Variants in COL1A2 observed in about 807,000 individuals in gnomAD.
The protein encoded by COL1A2 is collagen alpha-2(I) chain.
In COL1A2, 49 loss-of-function variants were observed where a neutral mutation model predicts 174.3. The ratio of observed to expected loss-of-function variants is 0.28; its 90% CI spans 0.22 to 0.36. COL1A2 has a LOEUF of 0.36. Ranked by LOEUF, COL1A2 falls within the 10% of genes least tolerant of loss-of-function variation. The probability of loss-of-function intolerance (pLI) is 1.00; values close to 1 mark genes in which losing one functional copy is unlikely to be tolerated. For synonymous variants in COL1A2, 655 were observed against 606.6 expected, an observed-to-expected ratio of 1.08 and a Z score of -1.17; for missense variants, 1,438 against 1,822.7, an observed-to-expected ratio of 0.79 and a Z score of 3.84.
At position 94,419,568 on chromosome 7, in the gene COL1A2, A is replaced by G; in HGVS notation, c.2079+17A>G. ...GGTGACCGGGTAAGCATGCATTTTC[A>G]CTAAGCCAACAGCAATATCTAAAAT... On this transcript the variant is annotated intron_variant, in intron 34 of 51. Coordinates refer to ENST00000297268, the MANE Select transcript of COL1A2 (RefSeq NM_000089.4). The G allele has an allele frequency of 6.2e-7, 1 of 1,613,956 alleles. No homozygotes were observed. The highest frequency in any genetic ancestry group is 8.5e-7 in the Non-Finnish European group (1 of 1,179,936).
In COL1A2 at chr7:94,416,345, TA is replaced by T. The variant is rs1373899165; in HGVS notation, c.1765-56del. ...CTACACAAATGTAAACTCTCATATG[TA>T]AAACAGTATCACTGAAAGTGATGAA... On this transcript the variant is annotated intron_variant, in intron 30 of 51. Transcript: ENST00000297268. The T allele has an allele frequency of 2.1e-6, 3 of 1,414,238 alleles. No individual in the cohort carries two copies. In the African/African-American group the frequency reaches 4.3e-5, roughly 20 times the overall value. 87.6% of individuals were successfully genotyped at this position (1,414,238 alleles called of 1,614,324 possible).
rs774428414 is a variant in COL1A2 at position 94,421,090 on chromosome 7, C to A, written c.2349+28C>A. On this transcript the variant is annotated intron_variant, in intron 38 of 51. Transcript: ENST00000297268. ...GAGTATTTACAATGGACTCTCGCCG[C>A]TTTTCTTTTTTCAGAATCTATTAAG... 2.5e-6 allele frequency: 4 copies of A among 1,612,908 alleles called. No homozygotes were observed. In the East Asian group the frequency reaches 6.7e-5, roughly 27 times the overall value.
At chr7:94,402,234 C>T (rs765867124) in intron 6 of COL1A2, among the ~76,000 whole-genome samples, 1 of 152,052 alleles carries the variant, frequency 6.6e-6, no homozygotes, top group Non-Finnish European at 1.5e-5. Context: ...CTCATTTAGT[C>T]AACAGATATT....
chr7:94,428,439 CACG>C lies in COL1A2; in HGVS notation c.3674_3676del (p.His1225_Val1226delinsLeu). On this transcript the variant is annotated inframe_deletion, in exon 50 of 52. Coordinates refer to ENST00000297268, the MANE Select transcript of COL1A2 (RefSeq NM_000089.4). ...GTATAGGAGCTCCAAGGACAAGAAA[CACG>C]TCTGGCTAGGAGAAACTATCAATGC... 1 of 1,614,094 alleles carries C rather than the reference CACG, an allele frequency of 6.2e-7. No homozygotes were observed. Among genetic ancestry groups the C allele is most frequent in the Non-Finnish European group, 8.5e-7 (1 of 1,180,004 alleles).
Position 94,427,838 on chromosome 7 carries a change from C to T in COL1A2, c.3479C>T (p.Ala1160Val), listed in dbSNP as rs1245842054. The change falls in exon 49 of 52, where the codon GCT (alanine) becomes GTT (valine). Residue 1160 changes from alanine to valine, a missense_variant. Coordinates refer to ENST00000297268, the MANE Select transcript of COL1A2 (RefSeq NM_000089.4). ...LTPEGSRKNP[A>V]RTCRDLRLSH... is the part of the protein sequence containing the mutation. ...CCTGAAGGCTCTAGAAAGAACCCAG[C>T]TCGCACATGCCGTGACTTGAGACTC... is the stretch of plus-strand genomic sequence containing the variant. The T allele has an allele frequency of 6.2e-7, 1 of 1,614,202 alleles. No individual in the cohort carries two copies. The highest frequency in any genetic ancestry group is 1.6e-4 in the Middle Eastern group (1 of 6,062).
intron 15 of COL1A2, 49 bp downstream of exon 15, chr7:94,408,429 G>C (rs371010648): frequency 3.2e-6 from 5 of 1,581,788 alleles, no homozygotes; most frequent in Non-Finnish European, 4.3e-6. Context: ...ATGTGGGGTG[G>C]GTGCTGTCTT....
In COL1A2 at chr7:94,424,502, A is replaced by C. The variant is rs558139633; in HGVS notation, c.2673+59A>C. 4.2e-6 allele frequency: 6 copies of C among 1,443,266 alleles called. No homozygotes were observed. The Admixed American group carries it at 6.7e-5, about 16-fold the overall frequency. 89.4% of individuals were successfully genotyped at this position (1,443,266 alleles called of 1,614,324 possible). On this transcript the variant is annotated intron_variant, in intron 41 of 51. Transcript: ENST00000297268. ...ATAAGAAAAGATTTTAAAAGCTGCC[A>C]CTTCAAATGTGACAGATTGATCACT...
At chr7:94,426,719 G>A in intron 46 of COL1A2, 189 bp downstream of exon 46, 1 of 666,228 alleles carries the variant, frequency 1.5e-6, no homozygotes, top group Non-Finnish European at 2.7e-6. Flanking sequence ...GAGGATTAAG[G>A]GAGATAGAAA....
chr7:94,400,454 C>T (rs1451531318), intron 5 of COL1A2, among the ~76,000 whole-genome samples, 166 bp downstream of exon 5: 1 of 152,098 alleles, frequency 6.6e-6, no homozygotes, highest in African/African-American at 2.4e-5. Context: ...TACCCATTCT[C>T]TTTGTGAGCC....
chr7:94,401,838 G>T (rs900832216), intron 6 of COL1A2, among the ~76,000 whole-genome samples: 1 of 151,876 alleles, frequency 6.6e-6, no homozygotes, highest in African/African-American at 2.4e-5. Context: ...ATGATTATAT[G>T]ATCTTTTTGA....
intron 6 of COL1A2, among the ~76,000 whole-genome samples, chr7:94,403,832 A>G (rs1176376664): frequency 1.3e-5 from 2 of 152,194 alleles, no homozygotes. Flanking sequence ...AAGAAAGTGT[A>G]TTTAGCTTAC....
chr7:94,426,389 G>T (rs771190443), intron 45 of COL1A2, 34 bp from the exon 46 acceptor site: 17 of 1,538,848 alleles, frequency 1.1e-5, no homozygotes, highest in Admixed American at 9.7e-5. Flanking sequence ...TTTTTAAAAC[G>T]GTAAGTCTTA....
rs1235071648 is a variant in COL1A2 at position 94,410,919 on chromosome 7, G to T, written c.1228G>T (p.Ala410Ser). 6 of 1,613,908 alleles carry T rather than the reference G, an allele frequency of 3.7e-6. No homozygotes were observed. In the Admixed American group the frequency reaches 6.7e-5, roughly 18 times the overall value. ...GSPGSRGLPGADGRAGVMGPP... is the reference protein window; with the variant it reads ...GSPGSRGLPGSDGRAGVMGPP... Reference sequence around the variant, plus strand: ...TCCTGGTTCTCGTGGTCTTCCTGGAGCTGATGGCAGAGCTGGCGTCATGGT... The same window carrying T: ...TCCTGGTTCTCGTGGTCTTCCTGGATCTGATGGCAGAGCTGGCGTCATGGT... Residue 410 changes from alanine to serine, a missense_variant, in exon 22 of 52, where the codon GCT (alanine) becomes TCT (serine). Around this residue, in one of 3 missense-constraint regions of COL1A2, gnomAD observed 867 missense variants for 1,213.7 expected, o/e 0.71. Transcript: ENST00000297268.
Position 94,429,362 on chromosome 7 carries a change from A to C in COL1A2, c.3886A>C (p.Asn1296His). The C allele has an allele frequency of 6.2e-7, 1 of 1,613,942 alleles. No homozygotes were observed. Among genetic ancestry groups the C allele is most frequent in the Non-Finnish European group, 8.5e-7 (1 of 1,179,928 alleles). ...AAAGGCTGTCATTCTACAGGGCTCT[A>C]ATGATGTTGAACTTGTTGCTGAGGG... ...LKKAVILQGS[N>H]DVELVAEGNS... The change falls in exon 51 of 52, where the codon AAT becomes CAT. Residue 1296 changes from asparagine to histidine, a missense_variant. Asn to His is a moderately conservative substitution (Grantham distance 68). Transcript: ENST00000297268.
intron 36 of COL1A2, 25 bp from the exon 37 acceptor site, chr7:94,420,516 A>T: frequency 6.2e-7 from 1 of 1,613,998 alleles, no homozygotes; most frequent in Non-Finnish European, 8.5e-7. Flanking sequence ...GGAATACCAG[A>T]GCTGTAACTG....
Position 94,426,539 on chromosome 7 carries a change from A to G in COL1A2, c.3105+9A>G. 6.3e-7 allele frequency: 1 copy of G among 1,587,374 alleles called. No individual in the cohort carries two copies. The highest frequency in any genetic ancestry group is 8.6e-7 in the Non-Finnish European group (1 of 1,165,142). ...GTCTGCCTGGTATCGCTGTAAGTAA[A>G]CTGTAGCCATCTCGCACATAAACTG... is the stretch of plus-strand genomic sequence containing the variant. On this transcript the variant is annotated intron_variant, in intron 46 of 51. Coordinates refer to ENST00000297268, the MANE Select transcript of COL1A2 (RefSeq NM_000089.4).
chr7:94,412,178 AG>A, intron 24 of COL1A2, 57 bp downstream of exon 24: 1 of 1,463,878 alleles, frequency 6.8e-7, no homozygotes, highest in Non-Finnish European at 9.5e-7. Context: ...ACCCTTATCA[AG>A]TCTATTTTGT....
At chr7:94,416,368 T>C in intron 30 of COL1A2, 37 bp from the exon 31 acceptor site, 2 of 1,511,394 alleles carry the variant, frequency 1.3e-6, no homozygotes, top group Non-Finnish European at 1.8e-6. Context: ...CTGAAAGTGA[T>C]GAATGGTGCA....
chr7:94,414,159 A>G, intron 28 of COL1A2, 63 bp from the exon 29 acceptor site: 2 of 1,573,422 alleles, frequency 1.3e-6, no homozygotes, highest in Admixed American at 3.3e-5. Context: ...CCCAAACTCA[A>G]TTATTAGCAA....
Sources: allele counts gnomAD v4.1 joint callset (sites outside exome capture counted in the v4.1 genomes callset), GRCh38; gene constraint gnomAD v4.1.1; regional missense constraint gnomAD v4.1.1; transcripts MANE v1.5; gene names NCBI Gene and HGNC (gene_info 2026-07-23, HGNC 2026-07-21).